The following DRICH1 variants were observed in gnomAD, a reference collection of about 807,000 sequenced individuals.
DRICH1 encodes the protein aspartate rich 1.
A neutral mutation model predicts 39.5 loss-of-function variants in DRICH1; 38 were observed. The observed-to-expected ratio is 0.96, with a 90% confidence interval of 0.74 to 1.26. The LOEUF is 1.26. Among genes scored for constraint, DRICH1 ranks in the 50% most tolerant of loss-of-function variants. DRICH1 has a pLI of 0.00. For missense variants in DRICH1, 279 were observed against 270.4 expected (o/e 1.03, Z -0.22); for synonymous variants, 84 against 99.5 (o/e 0.84, Z 0.93).
chr22:23,620,908 T>A (rs975324391), intron 4 of DRICH1, among the ~76,000 whole-genome samples: 1 of 152,204 alleles, frequency 6.6e-6, no homozygotes, highest in African/African-American at 2.4e-5. Flanking sequence ...AAAATGCCTC[T>A]GCATTACAGT....
At chr22:23,624,618 T>C (rs904592372) in intron 3 of DRICH1, among the ~76,000 whole-genome samples, 22 of 152,152 alleles carry the variant, frequency 1.4e-4, no homozygotes, top group African/African-American at 5.3e-4. Context: ...GATTCTGGTA[T>C]CTTTACCAAC....
the DRICH1 span, among the ~76,000 whole-genome samples, chr22:23,592,395 G>A: frequency 3.9e-5 from 6 of 151,924 alleles, no homozygotes; most frequent in South Asian, 2.1e-4. Flanking sequence ...GCAAGACTGG[G>A]GGGGGGCGGT....
chr22:23,618,977 T>C lies in DRICH1; in HGVS notation c.436+387A>G, dbSNP rs545319308. Among the ~76,000 whole-genome samples, 4 of 152,022 alleles carry C rather than the reference T, an allele frequency of 2.6e-5. No individual in the cohort carries two copies. The South Asian group carries it at 8.3e-4, about 32-fold the overall frequency. On this transcript the variant is annotated intron_variant, in intron 6 of 11. Coordinates refer to ENST00000317749, the MANE Select transcript of DRICH1 (RefSeq NM_016449.4). ...TCACGAGGTCAAGAGATCGAGACCA[T>C]CCTGGCCAACATGGTAAAACCACGT...
rs771863366 is a variant in DRICH1 at position 23,616,859 on chromosome 22, C to A, written c.535G>T (p.Val179Phe). The A allele has an allele frequency of 1.2e-6, 2 of 1,614,076 alleles. No homozygotes were observed. The highest frequency in any genetic ancestry group is 2.7e-5 in the African/African-American group (2 of 75,040). ...GTTAGTTCAAGGTACATACCCTGGA[C>A]AGGTGACGGTAAAATCTGCAATGAG... ...DDDAQILPSPVQACSEDSLFL... is the reference protein window; with the variant it reads ...DDDAQILPSPFQACSEDSLFL... Residue 179 changes from valine (V) to phenylalanine (F), a missense_variant, in exon 8 of 12, where the codon GTC (valine) becomes TTC (phenylalanine). Val to Phe is a conservative substitution (Grantham distance 50, BLOSUM62 -1). Coordinates refer to ENST00000317749, the MANE Select transcript of DRICH1 (RefSeq NM_016449.4).
downstream of DRICH1, chr22:23,608,085 T>G (rs879443728): frequency 6.6e-6 from 1 of 152,526 alleles, no homozygotes; most frequent in Non-Finnish European, 1.5e-5. Context: ...AAAAGAGGGC[T>G]AGGGTGAGAG....
At chr22:23,622,391 T>C (rs201609165) in intron 3 of DRICH1, among the ~76,000 whole-genome samples, 1 of 152,206 alleles carries the variant, frequency 6.6e-6, no homozygotes, top group Admixed American at 6.5e-5. Flanking sequence ...AGAGGCATCA[T>C]GCAGCAACAC....
At chr22:23,621,363 G>A (rs1052699241) in intron 4 of DRICH1, among the ~76,000 whole-genome samples, 16 of 151,962 alleles carry the variant, frequency 1.1e-4, no homozygotes, top group African/African-American at 3.9e-4. Flanking sequence ...AAGAGCCCCT[G>A]AGCTCACTAG....
the DRICH1 span, among the ~76,000 whole-genome samples, chr22:23,594,950 T>A: frequency 8.2e-5 from 12 of 146,934 alleles, no homozygotes; most frequent in Non-Finnish European, 1.5e-4. Context: ...GTTGATGAAG[T>A]CCCCAGACAA....
At chr22:23,623,439 CA>C (rs1239262959) in intron 3 of DRICH1, among the ~76,000 whole-genome samples, 5 of 151,996 alleles carry the variant, frequency 3.3e-5, no homozygotes, top group Admixed American at 1.3e-4. Context: ...ATAGAAATCA[CA>C]AATTTATATC....
At chr22:23,616,937 G>T (rs1927388975) in intron 7 of DRICH1, 63 bp from the exon 8 acceptor site, 4 of 1,575,064 alleles carry the variant, frequency 2.5e-6, no homozygotes, top group Non-Finnish European at 3.5e-6. Context: ...CCCTTACACA[G>T]ATCTGTTAGT....
intron 1 of DRICH1, among the ~76,000 whole-genome samples, chr22:23,629,375 T>C (rs1928259734): frequency 6.6e-6 from 1 of 152,258 alleles, no homozygotes; most frequent in Non-Finnish European, 1.5e-5. Context: ...TGTGCATCCA[T>C]TGAGTCAGTG....
At chr22:23,591,923 G>T in the DRICH1 span, among the ~76,000 whole-genome samples, 1 of 152,076 alleles carries the variant, frequency 6.6e-6, no homozygotes, top group Non-Finnish European at 1.5e-5. Context: ...TACAGCACAG[G>T]GCTGGGGGAG....
chr22:23,595,091 G>C, the DRICH1 span, among the ~76,000 whole-genome samples: 1 of 147,822 alleles, frequency 6.8e-6, no homozygotes, highest in Non-Finnish European at 1.5e-5. Flanking sequence ...CCGTGTGCCC[G>C]GCCCTGTCCT....
At chr22:23,588,784 C>CT in the DRICH1 span, among the ~76,000 whole-genome samples, 8 of 152,126 alleles carry the variant, frequency 5.3e-5, no homozygotes, top group African/African-American at 1.9e-4. Context: ...GGGTATCTCA[C>CT]AATTTTTTTT....
the DRICH1 span, among the ~76,000 whole-genome samples, chr22:23,596,467 G>C: frequency 6.6e-6 from 1 of 152,110 alleles, no homozygotes; most frequent in South Asian, 2.1e-4. Flanking sequence ...TGTCGCCCAG[G>C]CTGGTTTAAA....
At chr22:23,606,477 T>C (rs1926738377), downstream of DRICH1, among the ~76,000 whole-genome samples, 3 of 152,102 alleles carry the variant, frequency 2.0e-5, no homozygotes, top group South Asian at 4.1e-4. Context: ...TTGGCGTCGG[T>C]TGGGGCGCAG....
intron 3 of DRICH1, chr22:23,624,435 T>A (rs1363328043): frequency 2.7e-6 from 2 of 749,664 alleles, no homozygotes; most frequent in African/African-American, 3.8e-5. Context: ...CAAACTCAGC[T>A]TCTATTTACT....
chr22:23,624,635 A>G (rs1927953234), intron 3 of DRICH1, among the ~76,000 whole-genome samples: 1 of 152,120 alleles, frequency 6.6e-6, no homozygotes, highest in Admixed American at 6.6e-5. Flanking sequence ...CAACATCAGG[A>G]TAAGTCAGTG....
chr22:23,615,945 C>T (rs75881206), intron 8 of DRICH1, among the ~76,000 whole-genome samples: 132 of 151,922 alleles, frequency 8.7e-4, no homozygotes, highest in Non-Finnish European at 1.7e-3. Context: ...TGCATATTCT[C>T]ATTCAAATAA....
Sources: gnomAD v4.1 joint callset for allele counts (sites outside exome capture counted in the v4.1 genomes callset) on GRCh38, gnomAD v4.1.1 for gene constraint, MANE v1.5 for transcripts, NCBI Gene and HGNC (gene_info 2026-07-23, HGNC 2026-07-21) for gene names.